The following CD3E variants were observed in gnomAD, a reference collection of about 807,000 sequenced individuals.
The protein encoded by CD3E is CD3 epsilon subunit of T-cell receptor complex.
In CD3E, 16 loss-of-function variants were observed where a neutral mutation model predicts 34.7. The ratio of observed to expected loss-of-function variants is 0.46; its 90% CI spans 0.31 to 0.70. The LOEUF (loss-of-function observed/expected upper bound fraction) is 0.70, where lower values mean the gene tolerates loss of function less well. Among genes scored for constraint, CD3E ranks in the 30% least tolerant of loss-of-function variants. The pLI, the probability that CD3E is intolerant of heterozygous loss-of-function variation, is 0.05. For missense variants in CD3E, 223 were observed against 253.9 expected (o/e 0.88, Z 0.83); for synonymous variants, 70 against 90.8 (o/e 0.77, Z 1.30).
At chr11:118,306,933 A>G (rs1317193337) in intron 2 of CD3E, among the ~76,000 whole-genome samples, 1 of 152,234 alleles carries the variant, frequency 6.6e-6, no homozygotes, top group Non-Finnish European at 1.5e-5. Context: ...TTTTTCTTCC[A>G]CAGACACCAA....
intron 4 of CD3E, among the ~76,000 whole-genome samples, chr11:118,308,798 A>G (rs1428245209): frequency 1.3e-5 from 2 of 152,242 alleles, no homozygotes; most frequent in Non-Finnish European, 2.9e-5. Context: ...GAATAAATGA[A>G]CAAACATATG....
At position 118,315,666 on chromosome 11, in the gene CD3E, T is replaced by G. The variant is rs1948162710; in HGVS notation, c.*124T>G. Reference sequence around the variant, plus strand: ...ATCGTTCCTCAGCCTCATGGTGAACTCGCGCCCTCCAGCCTGATCCCCCGC... The same window carrying G: ...ATCGTTCCTCAGCCTCATGGTGAACGCGCGCCCTCCAGCCTGATCCCCCGC... On this transcript the variant is annotated 3_prime_UTR_variant, in exon 9 of 9. Transcript: ENST00000361763. 2.3e-6 allele frequency: 2 copies of G among 851,888 alleles called. No individual in the cohort carries two copies. Among genetic ancestry groups the G allele is most frequent in the South Asian group, 2.9e-5 (2 of 69,956 alleles). 52.8% of individuals were successfully genotyped at this position (851,888 alleles called of 1,614,324 possible).
chr11:118,310,022 T>G (rs1313071600), intron 4 of CD3E, among the ~76,000 whole-genome samples: 1 of 152,184 alleles, frequency 6.6e-6, no homozygotes, highest in African/African-American at 2.4e-5. Context: ...ATAAAAAAAT[T>G]TTAATGCAGA....
At chr11:118,308,880 T>G (rs1948121296) in intron 4 of CD3E, among the ~76,000 whole-genome samples, 2 of 152,092 alleles carry the variant, frequency 1.3e-5, no homozygotes, top group African/African-American at 4.8e-5. Flanking sequence ...GAAAATATAG[T>G]GAGTTGCATG....
chr11:118,314,180 C>G (rs924033809), intron 7 of CD3E, among the ~76,000 whole-genome samples: 49 of 152,304 alleles, frequency 3.2e-4, no homozygotes, highest in Middle Eastern at 3.4e-3. Context: ...GATATATTAG[C>G]TCCTGCCTTT....
rs555454200 is a variant in CD3E at position 118,315,687 on chromosome 11, C to T, written c.*145C>T. On this transcript the variant is annotated 3_prime_UTR_variant, in exon 9 of 9. Transcript: ENST00000361763. The stretch of plus-strand genomic sequence containing the variant: ...GAACTCGCGCCCTCCAGCCTGATCC[C>T]CCGCTCCCTCCTCCCTGCCTTCTCT... 2 of 714,752 alleles carry T rather than the reference C, an allele frequency of 2.8e-6. No homozygotes were observed. The highest frequency in any genetic ancestry group is 2.7e-5 in the East Asian group (1 of 37,154). The allele number at this position is 714,752 out of a possible 1,614,324, so 44.3% of individuals were successfully genotyped here.
chr11:118,311,647 T>C (rs1204533781), intron 4 of CD3E, among the ~76,000 whole-genome samples: 1 of 152,202 alleles, frequency 6.6e-6, no homozygotes, highest in East Asian at 1.9e-4. Context: ...TTGTAAGAAA[T>C]AGGTAAGTCC....
chr11:118,305,540 A>C (rs1948101063), intron 2 of CD3E, among the ~76,000 whole-genome samples: 1 of 152,222 alleles, frequency 6.6e-6, no homozygotes, highest in East Asian at 1.9e-4. Flanking sequence ...ATCTCATATG[A>C]GATAAATAAT....
Position 118,315,742 on chromosome 11 carries a change from T to G in CD3E, c.*200T>G. 3.7e-5 allele frequency: 23 copies of G among 615,590 alleles called. No individual in the cohort carries two copies. Among genetic ancestry groups the G allele is most frequent in the East Asian group, 1.1e-4 (4 of 34,994 alleles). 38.1% of individuals were successfully genotyped at this position (615,590 alleles called of 1,614,324 possible). The stretch of plus-strand genomic sequence containing the variant: ...GTACCCAGTCCTAAAATATTGCTGC[T>G]TCCTCTTCCTTTGAAGCATCATCAG... On this transcript the variant is annotated 3_prime_UTR_variant, in exon 9 of 9. Transcript: ENST00000361763.
chr11:118,312,954 TC>T (rs1014167613), intron 6 of CD3E, 88 bp downstream of exon 6: 1 of 1,489,332 alleles, frequency 6.7e-7, no homozygotes, highest in African/African-American at 1.4e-5. Context: ...CTAACCCAGC[TC>T]ACAGTGCCCA....
intron 4 of CD3E, among the ~76,000 whole-genome samples, chr11:118,309,442 G>A (rs1042118380): frequency 6.6e-6 from 1 of 152,184 alleles, no homozygotes; most frequent in Admixed American, 6.5e-5. Context: ...CAGGCATGGT[G>A]GCAGGTGCCT....
chr11:118,304,882 C>A lies in CD3E; in HGVS notation c.-59-12C>A. On this transcript the variant is annotated splice_polypyrimidine_tract_variant and intron_variant, in intron 1 of 8. Transcript: ENST00000361763. Reference sequence around the variant, plus strand: ...TGTTTTGAAAAAGTCATCTGTTTTGCTTTTTTTCCAGAAGTAGTAAGTCTG... The same window carrying A: ...TGTTTTGAAAAAGTCATCTGTTTTGATTTTTTTCCAGAAGTAGTAAGTCTG... 2 of 1,432,804 alleles carry A rather than the reference C, an allele frequency of 1.4e-6. No homozygotes were observed. Among genetic ancestry groups the A allele is most frequent in the Non-Finnish European group, 9.9e-7 (1 of 1,014,610 alleles). The allele number at this position is 1,432,804 out of a possible 1,614,324, so 88.8% of individuals were successfully genotyped here. A position where few individuals can be genotyped will look rare whatever the true frequency, so the allele number is the denominator to read the frequency against.
rs200269801 is a variant in CD3E, at chr11:118,314,543, A to G, written c.567+49A>G. 5.1e-6 allele frequency: 8 copies of G among 1,554,586 alleles called. No homozygotes were observed. The Admixed American group carries it at 1.4e-4, about 26-fold the overall frequency. On this transcript the variant is annotated intron_variant, in intron 8 of 8. Transcript: ENST00000361763. Reference sequence around the variant, plus strand: ...AGGACGCTGGAGGGGATGTCCCTCCAGGGGGGAAGGAAACAGATGGGATGG... The same window carrying G: ...AGGACGCTGGAGGGGATGTCCCTCCGGGGGGGAAGGAAACAGATGGGATGG...
chr11:118,310,013 T>TA (rs1022471116), intron 4 of CD3E, among the ~76,000 whole-genome samples: 4 of 152,204 alleles, frequency 2.6e-5, no homozygotes, highest in Non-Finnish European at 5.9e-5. Flanking sequence ...AATTTAAAAA[T>TA]AAAAAAATTT....
chr11:118,307,192 A>G (rs898704963), intron 2 of CD3E, 96 bp from the exon 3 acceptor site: 16 of 897,602 alleles, frequency 1.8e-5, no homozygotes, highest in African/African-American at 4.9e-5. Flanking sequence ...ATCAGATGTC[A>G]TCAGTGGTCA....
Position 118,312,789 on chromosome 11 carries a change from A to G in CD3E, c.275A>G (p.Gln92Arg). ...LSLKEFSELE[Q>R]SGYYVCYPRG... is the part of the protein sequence containing the mutation. ...CTGAAGGAATTTTCAGAATTGGAGC[A>G]AAGTGGTTATTATGTCTGCTACCCC... The change falls in exon 6 of 9, where the codon CAA becomes CGA. Residue 92 changes from glutamine to arginine, a missense_variant. Gln to Arg is a conservative substitution (Grantham distance 43). Coordinates refer to ENST00000361763, the MANE Select transcript of CD3E (RefSeq NM_000733.4). 6.2e-7 allele frequency: 1 copy of G among 1,614,204 alleles called. No homozygotes were observed.
chr11:118,313,672 A>G (rs201004100), intron 6 of CD3E, 35 bp from the exon 7 acceptor site: 1 of 1,606,756 alleles, frequency 6.2e-7, no homozygotes, highest in African/African-American at 1.3e-5. Flanking sequence ...TTCCTTGCTT[A>G]GTGATTTCCC....
At chr11:118,309,812 C>T (rs1565510678) in intron 4 of CD3E, among the ~76,000 whole-genome samples, 1 of 152,170 alleles carries the variant, frequency 6.6e-6, no homozygotes, top group Non-Finnish European at 1.5e-5. Flanking sequence ...ACAATCCAGT[C>T]CTGGGGATAT....
At chr11:118,312,329 T>C in intron 5 of CD3E, 159 bp downstream of exon 5, 1 of 825,526 alleles carries the variant, frequency 1.2e-6, no homozygotes, top group Non-Finnish European at 2.1e-6. Context: ...GGGACTTCTG[T>C]GGGTTTTTCT....
Sources: gnomAD v4.1 joint callset for allele counts (sites outside exome capture counted in the v4.1 genomes callset) on GRCh38, gnomAD v4.1.1 for gene constraint, MANE v1.5 for transcripts, NCBI Gene and HGNC (gene_info 2026-07-23, HGNC 2026-07-21) for gene names.